Variants in DIAPH3 observed in about 807,000 individuals in gnomAD.
DIAPH3 encodes protein diaphanous homolog 3.
DIAPH3 carries 117 observed loss-of-function variants against 144.3 expected under a neutral mutation model. The ratio of observed to expected loss-of-function variants is 0.81; its 90% CI spans 0.70 to 0.95. The LOEUF (loss-of-function observed/expected upper bound fraction) is 0.95, where lower values mean the gene tolerates loss of function less well. DIAPH3 is among the 40% of genes least tolerant of loss of function. DIAPH3 has a pLI of 0.00. For synonymous variants in DIAPH3, 519 were observed against 488.9 expected, an observed-to-expected ratio of 1.06 and a Z score of -0.81; for missense variants, 1,421 against 1,412.7, an observed-to-expected ratio of 1.01 and a Z score of -0.09.
intron 27 of DIAPH3, among the ~76,000 whole-genome samples, chr13:59,741,543 G>A (rs182215669): frequency 6.6e-6 from 1 of 151,944 alleles, no homozygotes; most frequent in Non-Finnish European, 1.5e-5. Flanking sequence ...AATCACTTGA[G>A]CCCAGGAGTT....
chr13:59,819,694 T>G (rs1188556697), intron 24 of DIAPH3, among the ~76,000 whole-genome samples: 3 of 151,716 alleles, frequency 2.0e-5, no homozygotes, highest in Non-Finnish European at 4.4e-5. Flanking sequence ...AAAAAAATAC[T>G]GTGGAACTGA....
chr13:59,868,077 C>G (rs1192351098), intron 21 of DIAPH3, among the ~76,000 whole-genome samples: 1 of 151,916 alleles, frequency 6.6e-6, no homozygotes, highest in Non-Finnish European at 1.5e-5. Context: ...TAGTGCCAGT[C>G]TATGAAAGCC....
At chr13:60,056,511 T>G (rs1431116911) in intron 4 of DIAPH3, among the ~76,000 whole-genome samples, 1 of 151,848 alleles carries the variant, frequency 6.6e-6, no homozygotes, top group Non-Finnish European at 1.5e-5. Context: ...TTTATTTTAT[T>G]TTTCCTAGCT....
intron 22 of DIAPH3, among the ~76,000 whole-genome samples, chr13:59,856,476 G>T (rs1024675415): frequency 6.6e-6 from 1 of 152,280 alleles, no homozygotes; most frequent in Admixed American, 6.5e-5. Flanking sequence ...ATAAGGAAAT[G>T]ATTTGCTCCA....
At chr13:59,910,997 C>T (rs1241350115) in intron 20 of DIAPH3, among the ~76,000 whole-genome samples, 1 of 151,064 alleles carries the variant, frequency 6.6e-6, no homozygotes, top group African/African-American at 2.4e-5. Flanking sequence ...TTCATCCTGG[C>T]CCTGGAGATT....
At chr13:60,088,354 G>C (rs1029570088) in intron 4 of DIAPH3, among the ~76,000 whole-genome samples, 1 of 152,072 alleles carries the variant, frequency 6.6e-6, no homozygotes, top group Non-Finnish European at 1.5e-5. Context: ...CAAAGGACCA[G>C]ACATCTTTTT....
intron 7 of DIAPH3, among the ~76,000 whole-genome samples, chr13:60,015,706 C>T (rs377715889): frequency 6.6e-6 from 1 of 152,062 alleles, no homozygotes; most frequent in African/African-American, 2.4e-5. Context: ...TTAACCTATA[C>T]ATGAGGAGTT....
At chr13:59,754,336 G>A (rs1317955539) in intron 27 of DIAPH3, among the ~76,000 whole-genome samples, 1 of 152,186 alleles carries the variant, frequency 6.6e-6, no homozygotes, top group African/African-American at 2.4e-5. Context: ...CTAAGCCTCA[G>A]TTTGAGACAA....
intron 23 of DIAPH3, chr13:59,838,457 G>A (rs532381672): frequency 1.3e-5 from 2 of 151,714 alleles, no homozygotes; most frequent in Non-Finnish European, 2.9e-5. Flanking sequence ...TTTGGGTTAG[G>A]AAAATATCAA....
intron 4 of DIAPH3, among the ~76,000 whole-genome samples, chr13:60,090,357 AGTTT>A (rs899809125): frequency 8.6e-5 from 13 of 151,768 alleles, no homozygotes; most frequent in African/African-American, 3.1e-4. Flanking sequence ...GAAATAACCT[AGTTT>A]GATTGGTGGC....
chr13:60,055,103 G>C (rs1432116157), intron 4 of DIAPH3, among the ~76,000 whole-genome samples: 2 of 151,718 alleles, frequency 1.3e-5, no homozygotes, highest in Non-Finnish European at 2.9e-5. Context: ...GCTGGTTTTA[G>C]AGTACATTAA....
chr13:60,009,205 TA>T (rs1369859040), intron 8 of DIAPH3, among the ~76,000 whole-genome samples: 2 of 152,126 alleles, frequency 1.3e-5, no homozygotes, highest in East Asian at 3.9e-4. Flanking sequence ...TAAAATATAA[TA>T]ATTATGCAAA....
chr13:59,782,159 A>C (rs2038774026), intron 25 of DIAPH3, among the ~76,000 whole-genome samples: 3 of 151,938 alleles, frequency 2.0e-5, no homozygotes, highest in Non-Finnish European at 4.4e-5. Flanking sequence ...TAAAAATTAA[A>C]AGAAGAAAAA....
At chr13:60,112,985 CA>C (rs1257559610) in intron 2 of DIAPH3, among the ~76,000 whole-genome samples, 1 of 152,116 alleles carries the variant, frequency 6.6e-6, no homozygotes, top group Admixed American at 6.6e-5. Context: ...ATCAAAAATG[CA>C]AAAAGTCTTA....
At chr13:59,802,730 G>A (rs1258622997) in intron 25 of DIAPH3, among the ~76,000 whole-genome samples, 3 of 115,550 alleles carry the variant, frequency 2.6e-5, no homozygotes, top group Non-Finnish European at 3.3e-5. Flanking sequence ...GCCGGACTGC[G>A]GACTGCAGTG....
intron 25 of DIAPH3, among the ~76,000 whole-genome samples, chr13:59,778,170 C>A (rs2038524994): frequency 6.6e-6 from 1 of 152,144 alleles, no homozygotes; most frequent in Non-Finnish European, 1.5e-5. Context: ...CTTTCTTCAC[C>A]AAGCTAGCTC....
At chr13:59,990,887 C>T (rs886244142) in intron 12 of DIAPH3, among the ~76,000 whole-genome samples, 1 of 151,906 alleles carries the variant, frequency 6.6e-6, no homozygotes, top group Admixed American at 6.6e-5. Flanking sequence ...TATTATCTGT[C>T]ACATGATAAA....
intron 22 of DIAPH3, among the ~76,000 whole-genome samples, chr13:59,850,568 T>C (rs2042905348): frequency 6.6e-6 from 1 of 150,762 alleles, no homozygotes; most frequent in South Asian, 2.1e-4. Context: ...TCTGCATCTA[T>C]TGAGATAATC....
Position 59,666,567 on chromosome 13 carries a change from T to A in DIAPH3, c.*17A>T. 1 of 1,613,734 alleles carries A rather than the reference T, an allele frequency of 6.2e-7. No individual in the cohort carries two copies. The highest frequency in any genetic ancestry group is 8.5e-7 in the Non-Finnish European group (1 of 1,179,888). On this transcript the variant is annotated 3_prime_UTR_variant, in exon 28 of 28. Coordinates refer to ENST00000400324, the MANE Select transcript of DIAPH3 (RefSeq NM_001042517.2). ...TTTATATTTGGCTTAATCATTTTTTTTAAAAACCAGTTTAACTTATAAAGC... is the reference window on the plus strand; with the variant it reads ...TTTATATTTGGCTTAATCATTTTTTATAAAAACCAGTTTAACTTATAAAGC...
Sources: gnomAD v4.1 joint callset for allele counts (sites outside exome capture counted in the v4.1 genomes callset) on GRCh38, gnomAD v4.1.1 for gene constraint, MANE v1.5 for transcripts, NCBI Gene and HGNC (gene_info 2026-07-23, HGNC 2026-07-21) for gene names.